The following STAG2 variants were observed in gnomAD, a reference collection of about 807,000 sequenced individuals.
STAG2 encodes cohesin subunit SA-2.
Under a neutral mutation model 108.1 loss-of-function variants are expected in STAG2, and 14 were observed. That is an observed-to-expected ratio of 0.13 (90% confidence interval 0.09 to 0.20). The LOEUF (loss-of-function observed/expected upper bound fraction) is 0.20. Ranked by LOEUF, STAG2 falls within the 10% of genes least tolerant of loss-of-function variation. The pLI is 1.00. For missense variants in STAG2, 440 were observed against 940.9 expected, an observed-to-expected ratio of 0.47 and a Z score of 6.96; for synonymous variants, 307 against 302.7, an observed-to-expected ratio of 1.01 and a Z score of -0.15.
At chrX:124,016,612 C>A (rs1443823739) in intron 1 of STAG2, among the ~76,000 whole-genome samples, 1 of 111,347 alleles carries the variant, frequency 9.0e-6, no homozygotes, top group Non-Finnish European at 1.9e-5. Context: ...AGGGAGTTGG[C>A]CAGGTCAATA....
At chrX:124,022,060 A>G (rs1186067267) in intron 2 of STAG2, among the ~76,000 whole-genome samples, 3 of 111,148 alleles carry the variant, frequency 2.7e-5, no homozygotes, top group African/African-American at 9.8e-5. Context: ...GAGTGTTACA[A>G]CAAGTCCATA....
intron 1 of STAG2, among the ~76,000 whole-genome samples, chrX:124,010,650 G>A (rs975512721): frequency 9.0e-6 from 1 of 111,200 alleles, no homozygotes; most frequent in African/African-American, 3.3e-5. Flanking sequence ...TAAGCAAAGC[G>A]GTGTACAGCA....
chrX:124,005,987 G>C (rs1169823930), intron 1 of STAG2, among the ~76,000 whole-genome samples: 1 of 111,415 alleles, frequency 9.0e-6, no homozygotes, highest in East Asian at 2.8e-4. Context: ...TGTTCTCCTT[G>C]TGTGTATGTC....
intron 30 of STAG2, 26 bp downstream of exon 30, chrX:124,086,796 T>A: frequency 1.9e-6 from 2 of 1,058,296 alleles, no homozygotes; most frequent in Non-Finnish European, 1.3e-6. Flanking sequence ...ATTCTCTTTA[T>A]ATTTATCCCT....
chrX:123,987,723 G>C (rs915484219), intron 1 of STAG2, among the ~76,000 whole-genome samples: 18 of 111,673 alleles, frequency 1.6e-4, no homozygotes, highest in Non-Finnish European at 1.5e-4. Flanking sequence ...AATCTACTTG[G>C]GTCTAATAAT....
chrX:123,974,708 A>G (rs1388941032), intron 1 of STAG2, among the ~76,000 whole-genome samples: 1 of 106,915 alleles, frequency 9.4e-6, no homozygotes, highest in Non-Finnish European at 1.9e-5. Flanking sequence ...CCTCTTGAGT[A>G]GCTGGGATTA....
At chrX:123,973,903 A>T (rs1244439270) in intron 1 of STAG2, among the ~76,000 whole-genome samples, 4 of 111,044 alleles carry the variant, frequency 3.6e-5, no homozygotes, top group Non-Finnish European at 7.6e-5. Context: ...TAGATTACAT[A>T]GTCTCTGCCC....
intron 1 of STAG2, among the ~76,000 whole-genome samples, chrX:123,985,657 A>G (rs2055135625): frequency 1.8e-5 from 2 of 108,861 alleles, no homozygotes; most frequent in African/African-American, 6.7e-5. Context: ...TGCAACCTCA[A>G]ACTCCTGGGC....
At chrX:124,093,417 C>T (rs924968098) in intron 32 of STAG2, among the ~76,000 whole-genome samples, 3 of 107,526 alleles carry the variant, frequency 2.8e-5, no homozygotes, top group Non-Finnish European at 5.7e-5. Flanking sequence ...TCTCTGTTTG[C>T]CATGGTAGAC....
intron 7 of STAG2, 96 bp from the exon 8 acceptor site, chrX:124,045,068 T>TA: frequency 1.4e-6 from 1 of 732,204 alleles, no homozygotes; most frequent in Non-Finnish European, 2.1e-6. Flanking sequence ...GAGATAAAGA[T>TA]ACCTTTTCAT....
Position 124,063,837 on chromosome X carries a change from T to C in STAG2, c.1822-11T>C, listed in dbSNP as rs756790514. The C allele has an allele frequency of 5.9e-6, 7 of 1,196,404 alleles. No individual in the cohort carries two copies. The South Asian group carries it at 1.2e-4, about 21-fold the overall frequency. On this transcript the variant is annotated splice_polypyrimidine_tract_variant and intron_variant, in intron 19 of 34. Transcript: ENST00000371145. Reference sequence around the variant, plus strand: ...GCCTTAGTTTTGATGAAAAATATTATTATTTTGCAGCATTTGGATGCCTTA... The same window carrying C: ...GCCTTAGTTTTGATGAAAAATATTACTATTTTGCAGCATTTGGATGCCTTA...
intron 25 of STAG2, 60 bp downstream of exon 25, chrX:124,071,383 A>G (rs1368148741): frequency 7.7e-6 from 7 of 906,946 alleles, no homozygotes; most frequent in African/African-American, 2.0e-5. Flanking sequence ...AACTTAAGTA[A>G]CAATGATGTA....
In STAG2 at chrX:124,102,352, T is replaced by TA; in HGVS notation, c.*1756dup. ...AGTACTTCTTTGTGAAAGCAGTTCT[T>TA]ACAGCTTTGTTTTCAACCAGCTAAA... On this transcript the variant is annotated 3_prime_UTR_variant, in exon 35 of 35. Transcript: ENST00000371145. The TA allele has an allele frequency of 6.3e-6, 1 of 159,268 alleles. No individual in the cohort carries two copies. The allele number at this position is 159,268 out of a possible 1,213,427, so 13.1% of individuals were successfully genotyped here. A position where few individuals can be genotyped will look rare whatever the true frequency, so the allele number is the denominator to read the frequency against.
At chrX:123,969,749 G>A (rs1211504116) in intron 1 of STAG2, among the ~76,000 whole-genome samples, 1 of 109,131 alleles carries the variant, frequency 9.2e-6, no homozygotes, top group African/African-American at 3.3e-5. Flanking sequence ...AGGTTCAAGC[G>A]ATTTCCTCGC....
chrX:124,058,155 T>TTC (rs1491445610), intron 15 of STAG2, among the ~76,000 whole-genome samples, 178 bp downstream of exon 15: 5 of 59,054 alleles, frequency 8.5e-5, no homozygotes, highest in Admixed American at 3.8e-4. Flanking sequence ...ACTTTTCTTC[T>TTC]TTTTTTTTTT....
intron 1 of STAG2, among the ~76,000 whole-genome samples, chrX:123,967,775 G>A (rs1230158230): frequency 9.0e-6 from 1 of 110,940 alleles, no homozygotes; most frequent in Non-Finnish European, 1.9e-5. Context: ...ACTGAATATC[G>A]TAGGCAGTTA....
At chrX:124,009,438 GGTA>G (rs1569501991) in intron 1 of STAG2, among the ~76,000 whole-genome samples, 5 of 83,189 alleles carry the variant, frequency 6.0e-5, no homozygotes, top group African/African-American at 2.3e-4. Flanking sequence ...TAGGTAGGTA[GGTA>G]GGTAGATAGA....
chrX:124,046,058 T>G (rs2057867677), intron 8 of STAG2, among the ~76,000 whole-genome samples: 1 of 111,992 alleles, frequency 8.9e-6, no homozygotes, highest in Non-Finnish European at 1.9e-5. Context: ...TCTTTTGTGC[T>G]TAAGGTAAAA....
intron 33 of STAG2, among the ~76,000 whole-genome samples, chrX:124,094,420 T>C (rs943296692): frequency 1.8e-5 from 2 of 111,746 alleles, no homozygotes; most frequent in African/African-American, 6.5e-5. Flanking sequence ...TGATTAATAC[T>C]AATTTGACTA....
Sources: gnomAD v4.1 joint callset for allele counts (sites outside exome capture counted in the v4.1 genomes callset) on GRCh38, gnomAD v4.1.1 for gene constraint, MANE v1.5 for transcripts, NCBI Gene and HGNC (gene_info 2026-07-23, HGNC 2026-07-21) for gene names.